Variants in MEF2A observed in about 807,000 individuals in gnomAD.
The protein encoded by MEF2A is myocyte enhancer factor 2A, also known as myocyte-specific enhancer factor 2A.
MEF2A carries 28 observed loss-of-function variants against 55.8 expected under a neutral mutation model. The ratio of observed to expected loss-of-function variants is 0.50; its 90% CI spans 0.37 to 0.69. The LOEUF (loss-of-function observed/expected upper bound fraction) is 0.69. MEF2A is among the 30% of genes least tolerant of loss of function. The pLI is 0.00. For synonymous variants in MEF2A, 239 were observed against 227.1 expected, an observed-to-expected ratio of 1.05 and a Z score of -0.47; for missense variants, 528 against 626.2, an observed-to-expected ratio of 0.84 and a Z score of 1.67.
intron 8 of MEF2A, among the ~76,000 whole-genome samples, chr15:99,695,714 C>T (rs2056360611): frequency 6.6e-6 from 1 of 152,010 alleles, no homozygotes; most frequent in African/African-American, 2.4e-5. Context: ...ACAGAATTAG[C>T]TGGGCATGGT....
chr15:99,620,205 A>G (rs1252786436), intron 2 of MEF2A, among the ~76,000 whole-genome samples: 1 of 152,010 alleles, frequency 6.6e-6, no homozygotes, highest in African/African-American at 2.4e-5. Flanking sequence ...TTTGACTTTT[A>G]TTTTTGGTTC....
At chr15:99,710,605 A>G (rs748050212) in intron 10 of MEF2A, 29 bp from the exon 11 acceptor site, 2 of 1,597,420 alleles carry the variant, frequency 1.3e-6, no homozygotes, top group East Asian at 4.5e-5. Flanking sequence ...CTTCCATCAT[A>G]TGCAGAGCCC....
At chr15:99,649,557 GT>G (rs1567323556) in intron 4 of MEF2A, among the ~76,000 whole-genome samples, 4 of 152,100 alleles carry the variant, frequency 2.6e-5, no homozygotes, top group African/African-American at 9.7e-5. Flanking sequence ...ATAAAATGTA[GT>G]AATTTAATTT....
chr15:99,658,126 A>C (rs2048047503), intron 4 of MEF2A, among the ~76,000 whole-genome samples: 1 of 152,136 alleles, frequency 6.6e-6, no homozygotes, highest in African/African-American at 2.4e-5. Flanking sequence ...GCTCTTATAT[A>C]TTTCAGATGA....
At chr15:99,588,479 A>G (rs1225450907) in intron 1 of MEF2A, among the ~76,000 whole-genome samples, 1 of 150,490 alleles carries the variant, frequency 6.6e-6, no homozygotes, top group East Asian at 2.0e-4. Context: ...TTTTTGTTTC[A>G]TATTTTAGCA....
intron 10 of MEF2A, among the ~76,000 whole-genome samples, chr15:99,709,867 G>A (rs921200988): frequency 3.3e-5 from 5 of 152,160 alleles, no homozygotes; most frequent in African/African-American, 7.2e-5. Flanking sequence ...GGGAGTTTGC[G>A]ACAGTCTAGG....
At chr15:99,635,892 A>G (rs770383189) in intron 3 of MEF2A, among the ~76,000 whole-genome samples, 29 of 152,174 alleles carry the variant, frequency 1.9e-4, no homozygotes, top group African/African-American at 2.7e-4. Context: ...GTAATTTTGA[A>G]TATTCTCGAT....
chr15:99,646,529 C>G (rs1336219953), intron 4 of MEF2A, among the ~76,000 whole-genome samples: 1 of 151,916 alleles, frequency 6.6e-6, no homozygotes, highest in Non-Finnish European at 1.5e-5. Context: ...TTTTTTATTA[C>G]TTGAAAGATG....
At position 99,712,587 on chromosome 15, in the gene MEF2A, G is replaced by T. The variant is rs769355862; in HGVS notation, c.1334G>T (p.Arg445Leu). Residue 445 changes from arginine to leucine, a missense_variant, in exon 12 of 12, where the codon CGA becomes CTA. Physicochemically the swap from Arg to Leu is moderately radical, Grantham distance 102 (BLOSUM62 -2). Transcript: ENST00000557942. This position sits in a 1 kb window ranked among gnomAD's most constrained non-coding sequence, Gnocchi z 4.1. Reference protein sequence around the residue: ...PQPQPPQPQPRQEMGRSPVDS... With the variant: ...PQPQPPQPQPLQEMGRSPVDS... ...CCACAACCCCCGCAGCCCCAGCCCC[G>T]ACAGGAAATGGGGCGCTCCCCTGTG... The T allele has an allele frequency of 1.9e-6, 3 of 1,542,750 alleles. No homozygotes were observed. In the Admixed American group the frequency reaches 5.9e-5, roughly 31 times the overall value.
At chr15:99,571,581 G>A (rs907067956) in intron 1 of MEF2A, among the ~76,000 whole-genome samples, 8 of 152,134 alleles carry the variant, frequency 5.3e-5, no homozygotes, top group Admixed American at 2.0e-4. Flanking sequence ...AATCTGAAAA[G>A]GCCATATGTT....
intron 7 of MEF2A, among the ~76,000 whole-genome samples, chr15:99,688,847 G>A (rs577804070): frequency 6.6e-6 from 1 of 152,302 alleles, no homozygotes; most frequent in Admixed American, 6.5e-5. Context: ...TGGAAGAGTT[G>A]TTTTACCCGG....
chr15:99,593,723 A>G (rs192397732), intron 1 of MEF2A, among the ~76,000 whole-genome samples: 1 of 152,230 alleles, frequency 6.6e-6, no homozygotes, highest in Non-Finnish European at 1.5e-5. Flanking sequence ...TAGTTTGAAC[A>G]CTGATTGAAG....
intron 2 of MEF2A, among the ~76,000 whole-genome samples, chr15:99,632,145 T>C (rs1229680145): frequency 6.6e-6 from 1 of 152,200 alleles, no homozygotes; most frequent in Non-Finnish European, 1.5e-5. Flanking sequence ...TAAAAAACGC[T>C]TGAAAGATTT....
chr15:99,589,226 T>C (rs1429500419), intron 1 of MEF2A, among the ~76,000 whole-genome samples: 3 of 152,248 alleles, frequency 2.0e-5, no homozygotes, highest in Non-Finnish European at 4.4e-5. Flanking sequence ...ATTACGAATT[T>C]AGTTTATTCG....
At chr15:99,671,476 C>CT (rs1398153548) in intron 5 of MEF2A, 22 bp downstream of exon 5, 2 of 1,613,804 alleles carry the variant, frequency 1.2e-6, no homozygotes, top group South Asian at 2.2e-5. Flanking sequence ...TACTTTACCT[C>CT]TACTTTTTAT....
chr15:99,592,730 A>G (rs537373894), intron 1 of MEF2A, among the ~76,000 whole-genome samples: 1 of 152,232 alleles, frequency 6.6e-6, no homozygotes, highest in East Asian at 1.9e-4. Flanking sequence ...TTGAACAACC[A>G]GATCTTGCGT....
chr15:99,699,974 GTGTGTGTGTGTATA>G (rs1418879853), intron 8 of MEF2A, among the ~76,000 whole-genome samples: 19 of 99,484 alleles, frequency 1.9e-4, no homozygotes, highest in African/African-American at 1.5e-4. Flanking sequence ...GTGTGTGTGT[GTGTGTGTGTGTATA>G]TATATATATA....
At chr15:99,595,826 CAAAGTT>C (rs770776703) in intron 1 of MEF2A, among the ~76,000 whole-genome samples, 1 of 152,122 alleles carries the variant, frequency 6.6e-6, no homozygotes, top group Non-Finnish European at 1.5e-5. Flanking sequence ...GAGGTAAAAA[CAAAGTT>C]AAAGAGCTTA....
At chr15:99,711,723 C>G (rs75530899) in intron 11 of MEF2A, among the ~76,000 whole-genome samples, 4,368 of 152,300 alleles carry the variant, frequency 0.029, 99 homozygotes, top group Non-Finnish European at 0.049. Context: ...TGTCAGTGGT[C>G]TTCTTAGGAA....
Sources: allele counts gnomAD v4.1 joint callset (sites outside exome capture counted in the v4.1 genomes callset), GRCh38; gene constraint gnomAD v4.1.1; non-coding constraint Gnocchi (gnomAD v3.1); transcripts MANE v1.5; gene names NCBI Gene and HGNC (gene_info 2026-07-23, HGNC 2026-07-21).